ZNF503: variants seen among roughly 807,000 people sequenced by gnomAD.
The protein encoded by ZNF503 is zinc finger protein 503, also known as NocA-like zinc finger 2.
ZNF503 carries 15 observed loss-of-function variants against 34.4 expected under a neutral mutation model. The ratio of observed to expected loss-of-function variants is 0.44; its 90% CI spans 0.29 to 0.67. The LOEUF is 0.67. Among genes scored for constraint, ZNF503 ranks in the 30% least tolerant of loss-of-function variants. ZNF503 has a pLI of 0.13. For missense variants in ZNF503, 1,007 were observed against 926.8 expected (o/e 1.09, Z -1.12); for synonymous variants, 580 against 456.8 (o/e 1.27, Z -3.44).
chr10:75,360,114 CTTTTTT>C, the ZNF503 span, among the ~76,000 whole-genome samples: 1,159 of 108,490 alleles, frequency 0.011, 12 homozygotes, highest in South Asian at 0.019. Context: ...CCAAAGGTTT[CTTTTTT>C]TTTTTTTTTT....
At chr10:75,390,610 C>A in the ZNF503 span, among the ~76,000 whole-genome samples, 1 of 152,134 alleles carries the variant, frequency 6.6e-6, no homozygotes, top group African/African-American at 2.4e-5. Context: ...ACTTTATCAA[C>A]AAGAATTTGT....
chr10:75,365,785 C>T, the ZNF503 span, among the ~76,000 whole-genome samples: 5 of 152,174 alleles, frequency 3.3e-5, no homozygotes, highest in Admixed American at 6.5e-5. Context: ...GAATAGTGCA[C>T]GGCCTATGGT....
At chr10:75,280,697 A>G in the ZNF503 span, among the ~76,000 whole-genome samples, 2 of 152,272 alleles carry the variant, frequency 1.3e-5, no homozygotes, top group African/African-American at 2.4e-5. Flanking sequence ...CTCTGCCTTC[A>G]TGGTGCTTAC....
At chr10:75,340,542 T>C in the ZNF503 span, among the ~76,000 whole-genome samples, 1 of 152,024 alleles carries the variant, frequency 6.6e-6, no homozygotes. Flanking sequence ...GGATAATAAA[T>C]GAAGGTAACT....
At chr10:75,300,042 G>A in the ZNF503 span, among the ~76,000 whole-genome samples, 53 of 152,300 alleles carry the variant, frequency 3.5e-4, no homozygotes, top group South Asian at 3.1e-3. Flanking sequence ...ATCCTGATAA[G>A]CCTGGGAGCG....
At chr10:75,282,990 G>A in the ZNF503 span, among the ~76,000 whole-genome samples, 6 of 152,324 alleles carry the variant, frequency 3.9e-5, no homozygotes, top group South Asian at 6.2e-4. Flanking sequence ...TTCTTACCAG[G>A]AGAAGATTTG....
chr10:75,333,470 A>G, the ZNF503 span, among the ~76,000 whole-genome samples: 1 of 52,072 alleles, frequency 1.9e-5, no homozygotes, highest in Non-Finnish European at 3.6e-5. Flanking sequence ...TGACCCCCCC[A>G]CCTCCCTCCC....
the ZNF503 span, among the ~76,000 whole-genome samples, chr10:75,378,860 T>C: frequency 6.6e-6 from 1 of 151,854 alleles, no homozygotes; most frequent in Non-Finnish European, 1.5e-5. Context: ...GGCAATTTAT[T>C]CTCTTTCTTC....
chr10:75,310,997 C>G, the ZNF503 span, among the ~76,000 whole-genome samples: 2 of 152,002 alleles, frequency 1.3e-5, no homozygotes, highest in African/African-American at 4.8e-5. Flanking sequence ...ATTGTTTTAG[C>G]CAGGGTTCTC....
the ZNF503 span, among the ~76,000 whole-genome samples, chr10:75,387,217 G>A: frequency 6.6e-6 from 1 of 152,226 alleles, no homozygotes; most frequent in African/African-American, 2.4e-5. Context: ...CACTTCCCTG[G>A]GGCCTGGGGA....
the ZNF503 span, among the ~76,000 whole-genome samples, chr10:75,346,733 C>T: frequency 2.6e-5 from 4 of 152,110 alleles, no homozygotes; most frequent in South Asian, 2.1e-4. Context: ...TGAGCCACCA[C>T]ACCCAGCAAC....
At chr10:75,393,180 C>T (rs1025159884), downstream of ZNF503, among the ~76,000 whole-genome samples, 1 of 152,190 alleles carries the variant, frequency 6.6e-6, no homozygotes, top group African/African-American at 2.4e-5. Context: ...GCATAGAGGC[C>T]TTAGTACCTT....
At position 75,398,731 on chromosome 10, in the gene ZNF503, TCGCCCTCCCGGC is replaced by T. The variant is rs1404612486; in HGVS notation, c.*6_*17del. 4 of 1,357,554 alleles carry T rather than the reference TCGCCCTCCCGGC, an allele frequency of 2.9e-6. No individual in the cohort carries two copies. Among genetic ancestry groups the T allele is most frequent in the East Asian group, 2.8e-5 (1 of 35,196 alleles). The allele number at this position is 1,357,554 out of a possible 1,614,324, so 84.1% of individuals were successfully genotyped here. ...TCCCCCTCTCCCTCCTCTCCCTCGC[TCGCCCTCCCGGC>T]CGCCCTCACTGATACCCCAGCGCCG... On this transcript the variant is annotated 3_prime_UTR_variant, in exon 2 of 2. Coordinates refer to ENST00000372524, the MANE Select transcript of ZNF503 (RefSeq NM_032772.6).
At chr10:75,329,422 CCTTCCTTCCTTCCTTT>C in the ZNF503 span, among the ~76,000 whole-genome samples, 1 of 89,276 alleles carries the variant, frequency 1.1e-5, no homozygotes, top group Non-Finnish European at 2.6e-5. Flanking sequence ...TCCTTTCCTT[CCTTCCTTCCTTCCTTT>C]CTTTCTTTCT....
intron 1 of ZNF503, among the ~76,000 whole-genome samples, 164 bp from the exon 2 acceptor site, chr10:75,400,538 CACAA>C (rs1281747293): frequency 6.6e-6 from 1 of 152,234 alleles, no homozygotes; most frequent in Non-Finnish European, 1.5e-5. Flanking sequence ...AACACCCACT[CACAA>C]ACATTCTCGC....
the ZNF503 span, among the ~76,000 whole-genome samples, chr10:75,334,130 C>T: frequency 1.4e-5 from 2 of 143,366 alleles, no homozygotes; most frequent in African/African-American, 5.2e-5. Flanking sequence ...ACTTCCCAGA[C>T]GGGGTGGCGG....
the ZNF503 span, among the ~76,000 whole-genome samples, chr10:75,330,186 G>T: frequency 3.3e-5 from 5 of 152,128 alleles, no homozygotes; most frequent in African/African-American, 4.8e-5. Context: ...AATCATCCTT[G>T]CATCCAGGGG....
At chr10:75,306,335 T>C in the ZNF503 span, among the ~76,000 whole-genome samples, 2 of 152,100 alleles carry the variant, frequency 1.3e-5, no homozygotes, top group African/African-American at 4.8e-5. Context: ...ACTATTTATA[T>C]ATCTTTTTTT....
the ZNF503 span, among the ~76,000 whole-genome samples, chr10:75,301,820 AAT>A: frequency 9.9e-5 from 15 of 152,214 alleles, no homozygotes; most frequent in African/African-American, 3.6e-4. Context: ...ATTACATCGA[AAT>A]ATGTTATAAA....
Sources: allele counts gnomAD v4.1 joint callset (sites outside exome capture counted in the v4.1 genomes callset), GRCh38; gene constraint gnomAD v4.1.1; transcripts MANE v1.5; gene names NCBI Gene and HGNC (gene_info 2026-07-23, HGNC 2026-07-21).